Variants in TBCK observed in about 807,000 individuals in gnomAD.
TBCK encodes the protein TBC domain-containing protein kinase-like protein.
Under a neutral mutation model 113.4 loss-of-function variants are expected in TBCK, and 99 were observed. That is an observed-to-expected ratio of 0.87 (90% CI 0.74 to 1.03). The LOEUF is 1.03. Ranked by LOEUF, TBCK falls within the 50% of genes least tolerant of loss-of-function variation. The pLI is 0.00. For synonymous variants in TBCK, 369 were observed against 370.8 expected (o/e 1.00, Z 0.05); for missense variants, 1,045 against 1,061.3 (o/e 0.98, Z 0.21).
chr4:106,118,056 T>C (rs1331841973), intron 23 of TBCK, among the ~76,000 whole-genome samples: 2 of 151,788 alleles, frequency 1.3e-5, no homozygotes, highest in Non-Finnish European at 2.9e-5. Context: ...AAAAATCAAG[T>C]GATTAACATA....
intron 1 of TBCK, among the ~76,000 whole-genome samples, chr4:106,312,333 A>G (rs1768286625): frequency 6.6e-6 from 1 of 152,188 alleles, no homozygotes; most frequent in South Asian, 2.1e-4. Flanking sequence ...TTTTCACACA[A>G]GGCATGAAAA....
intron 25 of TBCK, among the ~76,000 whole-genome samples, chr4:106,050,393 TC>T (rs1290422434): frequency 6.6e-6 from 1 of 152,024 alleles, no homozygotes; most frequent in Non-Finnish European, 1.5e-5. Flanking sequence ...AGAATAAAAT[TC>T]TTTTTGAGTA....
intron 19 of TBCK, among the ~76,000 whole-genome samples, chr4:106,220,284 G>T (rs896804499): frequency 6.6e-6 from 1 of 152,122 alleles, no homozygotes; most frequent in Non-Finnish European, 1.5e-5. Context: ...GTTCTTCAGG[G>T]GTTTCTGCTT....
chr4:106,209,497 T>TA (rs1026238844), intron 20 of TBCK, among the ~76,000 whole-genome samples: 7 of 152,264 alleles, frequency 4.6e-5, no homozygotes, highest in African/African-American at 1.2e-4. Flanking sequence ...ATTTCTTAGA[T>TA]AAAAAAATAC....
At chr4:106,204,039 C>T (rs1300933281) in intron 20 of TBCK, among the ~76,000 whole-genome samples, 1 of 152,052 alleles carries the variant, frequency 6.6e-6, no homozygotes, top group Non-Finnish European at 1.5e-5. Context: ...TAATGTTCTT[C>T]TAAATATGAA....
Position 106,302,753 on chromosome 4 carries a change from C to G in TBCK, c.193+6015G>C, listed in dbSNP as rs1767078618. ...TAGGATAAACTTACAACTGGAAATT[C>G]TTTAGAATCTGTAGCTGGATTAAGG... On this transcript the variant is annotated intron_variant, in intron 2 of 25. Transcript: ENST00000394708. 2.6e-5 allele frequency among the ~76,000 whole-genome samples: 4 copies of G among 152,240 alleles called. No homozygotes were observed. The South Asian group carries it at 6.2e-4, about 24-fold the overall frequency.
intron 23 of TBCK, among the ~76,000 whole-genome samples, chr4:106,159,994 G>A (rs1749571571): frequency 6.6e-6 from 1 of 152,012 alleles, no homozygotes; most frequent in South Asian, 2.1e-4. Context: ...AATAAGTTCT[G>A]AGAAGGGTAG....
chr4:106,291,774 G>T (rs1765737445), intron 3 of TBCK, among the ~76,000 whole-genome samples: 1 of 152,170 alleles, frequency 6.6e-6, no homozygotes, highest in Non-Finnish European at 1.5e-5. Context: ...TTTTAGGAGA[G>T]GATGCCGATC....
At chr4:106,124,594 GCCAAC>G (rs1744909649) in intron 23 of TBCK, among the ~76,000 whole-genome samples, 2 of 151,954 alleles carry the variant, frequency 1.3e-5, no homozygotes, top group Admixed American at 1.3e-4. Context: ...AAGACTTGGA[GCCAAC>G]CCAAATGTCC....
intron 2 of TBCK, among the ~76,000 whole-genome samples, chr4:106,301,749 TAAC>T (rs778985109): frequency 1.3e-5 from 2 of 152,128 alleles, no homozygotes; most frequent in Non-Finnish European, 1.5e-5. Flanking sequence ...GTTACTGACT[TAAC>T]AATAACATGC....
chr4:106,108,616 A>G (rs556182277), intron 24 of TBCK, among the ~76,000 whole-genome samples: 3 of 152,354 alleles, frequency 2.0e-5, no homozygotes, highest in African/African-American at 7.2e-5. Flanking sequence ...CTTCAAAATA[A>G]TAAGAGCTAT....
rs921823414 is a variant in TBCK at position 106,265,795 on chromosome 4, A to AT, written c.267-3584dup. Among the ~76,000 whole-genome samples the AT allele has an allele frequency of 4.0e-5, 6 of 151,598 alleles. No homozygotes were observed. The South Asian group carries it at 8.3e-4, about 21-fold the overall frequency. On this transcript the variant is annotated intron_variant, in intron 3 of 25. Coordinates refer to ENST00000394708, the MANE Select transcript of TBCK (RefSeq NM_001163435.3). ...CTCCAGGCTCTGTTTTTCTCGAACT[A>AT]TTTTTTTACCTCAAATATTACCTCT...
chr4:106,134,081 A>G (rs572356133), intron 23 of TBCK, among the ~76,000 whole-genome samples: 63 of 152,252 alleles, frequency 4.1e-4, no homozygotes, highest in Admixed American at 7.2e-4. Flanking sequence ...GGCAGGTAAC[A>G]TCTTTCAAAT....
intron 24 of TBCK, among the ~76,000 whole-genome samples, chr4:106,110,190 T>C (rs1578921499): frequency 6.6e-6 from 1 of 152,354 alleles, no homozygotes; most frequent in Non-Finnish European, 1.5e-5. Context: ...CTGCGGCTGC[T>C]ACAACTCTTT....
chr4:106,158,586 C>CA (rs1749387934), intron 23 of TBCK, among the ~76,000 whole-genome samples: 3 of 151,824 alleles, frequency 2.0e-5, no homozygotes, highest in African/African-American at 7.3e-5. Context: ...ACAAAGCTTA[C>CA]CAAGACTAAA....
chr4:106,211,181 T>C (rs944856287), intron 20 of TBCK, among the ~76,000 whole-genome samples: 10 of 152,184 alleles, frequency 6.6e-5, no homozygotes, highest in Admixed American at 6.5e-4. Context: ...TTATCTTTTT[T>C]AGTCTAAATT....
intron 23 of TBCK, among the ~76,000 whole-genome samples, chr4:106,128,809 C>G (rs1241778998): frequency 6.6e-6 from 1 of 151,730 alleles, no homozygotes; most frequent in African/African-American, 2.4e-5. Flanking sequence ...ACAAAAATGC[C>G]AAGAAAATAT....
chr4:106,265,075 G>T (rs1458607634), intron 3 of TBCK, among the ~76,000 whole-genome samples: 1 of 151,826 alleles, frequency 6.6e-6, no homozygotes, highest in Non-Finnish European at 1.5e-5. Context: ...GGGCATATTT[G>T]TGCCAGTCAT....
At chr4:106,110,161 C>G (rs1440901558) in intron 24 of TBCK, among the ~76,000 whole-genome samples, 2 of 152,222 alleles carry the variant, frequency 1.3e-5, no homozygotes, top group Non-Finnish European at 2.9e-5. Context: ...TAAATGCCAG[C>G]AGCACCAGCT....
Sources: allele counts gnomAD v4.1 joint callset (sites outside exome capture counted in the v4.1 genomes callset), GRCh38; gene constraint gnomAD v4.1.1; transcripts MANE v1.5; gene names NCBI Gene and HGNC (gene_info 2026-07-23, HGNC 2026-07-21).